Variants in NFIB observed in about 807,000 individuals in gnomAD.
NFIB encodes the protein nuclear factor I B, also known as nuclear factor 1 B-type.
A neutral mutation model predicts 61.5 loss-of-function variants in NFIB; 11 were observed. The observed-to-expected ratio is 0.18, with a 90% CI of 0.11 to 0.30. The LOEUF (loss-of-function observed/expected upper bound fraction) is 0.30. NFIB is among the 10% of genes least tolerant of loss of function. The pLI is 1.00. For missense variants in NFIB, 471 were observed against 608.9 expected (o/e 0.77, Z 2.38); for synonymous variants, 260 against 216.5 (o/e 1.20, Z -1.76).
At chr9:14,400,345 C>G (rs1378516767), upstream of NFIB, among the ~76,000 whole-genome samples, 1 of 152,128 alleles carries the variant, frequency 6.6e-6, no homozygotes, top group African/African-American at 2.4e-5. Context: ...AAGCCTAAGC[C>G]TCTTCATTCT....
At chr9:14,269,140 A>G (rs2057422287) in intron 2 of NFIB, among the ~76,000 whole-genome samples, 1 of 152,156 alleles carries the variant, frequency 6.6e-6, no homozygotes, top group African/African-American at 2.4e-5. Context: ...AAAACATTTT[A>G]ATAGACTTTG....
the NFIB span, among the ~76,000 whole-genome samples, chr9:14,502,677 C>A: frequency 1.3e-5 from 2 of 152,090 alleles, no homozygotes; most frequent in Non-Finnish European, 2.9e-5. Context: ...GGTAAGGAAT[C>A]CCTATTGTTT....
At chr9:14,332,486 T>A (rs544163858) in intron 1 of NFIB, among the ~76,000 whole-genome samples, 172 of 152,204 alleles carry the variant, frequency 1.1e-3, no homozygotes, top group African/African-American at 4.0e-3. Flanking sequence ...AGGTAAGAAA[T>A]TTAACAGCAT....
chr9:14,180,964 A>T (rs2046699994), intron 2 of NFIB, among the ~76,000 whole-genome samples: 1 of 152,240 alleles, frequency 6.6e-6, no homozygotes, highest in Non-Finnish European at 1.5e-5. Context: ...TATACTGACA[A>T]GTCTCTTCCC....
At chr9:14,088,912 A>C (rs2033333532) in intron 10 of NFIB, among the ~76,000 whole-genome samples, 1 of 152,196 alleles carries the variant, frequency 6.6e-6, no homozygotes, top group Non-Finnish European at 1.5e-5. Flanking sequence ...GAAATGCCCA[A>C]TTATCAAACA....
the NFIB span, among the ~76,000 whole-genome samples, chr9:14,438,694 T>C: frequency 6.1e-4 from 93 of 152,300 alleles, no homozygotes; most frequent in Non-Finnish European, 1.1e-3. Context: ...CCCCCTGGAA[T>C]ACACGGGCTT....
chr9:14,392,846 A>G (rs2133036464), intron 1 of NFIB, among the ~76,000 whole-genome samples: 1 of 152,348 alleles, frequency 6.6e-6, no homozygotes, highest in South Asian at 2.1e-4. Flanking sequence ...CCTGGCAACT[A>G]TTATTGGTTA....
chr9:14,521,719 C>T, the NFIB span, among the ~76,000 whole-genome samples: 2 of 152,106 alleles, frequency 1.3e-5, no homozygotes, highest in African/African-American at 4.8e-5. Context: ...ATCAAAGAAG[C>T]ACCTTTTGGG....
At chr9:14,113,191 A>T in intron 9 of NFIB, 110 bp from the exon 10 acceptor site, 1 of 800,088 alleles carries the variant, frequency 1.2e-6, no homozygotes, top group Non-Finnish European at 1.9e-6. Flanking sequence ...AAAAAAAAAA[A>T]GTGTCTTCAT....
intron 2 of NFIB, among the ~76,000 whole-genome samples, chr9:14,252,790 G>A (rs988020122): frequency 2.1e-5 from 3 of 139,788 alleles, no homozygotes; most frequent in Non-Finnish European, 4.6e-5. Context: ...ACAACTTTGT[G>A]GAGGAAAAAA....
At chr9:14,234,202 G>A (rs1483693647) in intron 2 of NFIB, among the ~76,000 whole-genome samples, 2 of 152,098 alleles carry the variant, frequency 1.3e-5, no homozygotes, top group Non-Finnish European at 2.9e-5. Context: ...AGAGAGATTA[G>A]CATTCTCAGC....
chr9:14,219,808 T>C (rs2131820047), intron 2 of NFIB, among the ~76,000 whole-genome samples: 1 of 152,306 alleles, frequency 6.6e-6, no homozygotes, highest in East Asian at 1.9e-4. Flanking sequence ...ATATTCTTTT[T>C]AACACAATGG....
At chr9:14,182,984 A>G (rs2046973475) in intron 2 of NFIB, among the ~76,000 whole-genome samples, 1 of 152,062 alleles carries the variant, frequency 6.6e-6, no homozygotes, top group African/African-American at 2.4e-5. Flanking sequence ...TTAAGCATAG[A>G]GCCACATTTA....
chr9:14,444,845 T>C, the NFIB span, among the ~76,000 whole-genome samples: 1 of 152,120 alleles, frequency 6.6e-6, no homozygotes, highest in Non-Finnish European at 1.5e-5. Flanking sequence ...TTTTGTGCAC[T>C]ATCTGCCTTC....
the NFIB span, among the ~76,000 whole-genome samples, chr9:14,487,472 G>A: frequency 6.6e-6 from 1 of 152,194 alleles, no homozygotes; most frequent in Admixed American, 6.5e-5. Flanking sequence ...ACTCAAGCTT[G>A]TGGAGCACAG....
At chr9:14,459,371 A>G in the NFIB span, among the ~76,000 whole-genome samples, 1 of 152,264 alleles carries the variant, frequency 6.6e-6, no homozygotes, top group Non-Finnish European at 1.5e-5. Context: ...CTAATTCAAG[A>G]TGGATTAAAG....
At chr9:14,419,434 G>A in the NFIB span, among the ~76,000 whole-genome samples, 1 of 152,096 alleles carries the variant, frequency 6.6e-6, no homozygotes, top group Non-Finnish European at 1.5e-5. Flanking sequence ...TACCAACCAT[G>A]CCCACAGACA....
chr9:14,491,281 G>A, the NFIB span, among the ~76,000 whole-genome samples: 2 of 151,928 alleles, frequency 1.3e-5, no homozygotes, highest in African/African-American at 4.8e-5. Context: ...AGTGCACATA[G>A]GCTTTTGACA....
At chr9:14,135,778 AT>A (rs959903005) in intron 6 of NFIB, among the ~76,000 whole-genome samples, 1 of 152,056 alleles carries the variant, frequency 6.6e-6, no homozygotes, top group African/African-American at 2.4e-5. Flanking sequence ...TTTCTCAACC[AT>A]TTTTTTTAAA....
Sources: gnomAD v4.1 joint callset for allele counts (sites outside exome capture counted in the v4.1 genomes callset) on GRCh38, gnomAD v4.1.1 for gene constraint, MANE v1.5 for transcripts, NCBI Gene and HGNC (gene_info 2026-07-23, HGNC 2026-07-21) for gene names.